Variants in TMCO6 observed in about 807,000 individuals in gnomAD.
The protein encoded by TMCO6 is transmembrane and coiled-coil domain-containing protein 6.
In TMCO6, 47 loss-of-function variants were observed where a neutral mutation model predicts 61.8. The ratio of observed to expected loss-of-function variants is 0.76; its 90% confidence interval spans 0.60 to 0.97. The LOEUF is 0.97. Among genes scored for constraint, TMCO6 ranks in the 50% least tolerant of loss-of-function variants. TMCO6 has a pLI of 0.00. For missense variants in TMCO6, 557 were observed against 601.6 expected (o/e 0.93, Z 0.78); for synonymous variants, 261 against 254.2 (o/e 1.03, Z -0.25).
At chr5:140,599,796 G>C in the TMCO6 span, among the ~76,000 whole-genome samples, 1 of 152,148 alleles carries the variant, frequency 6.6e-6, no homozygotes, top group Non-Finnish European at 1.5e-5. Flanking sequence ...AGCTAGTCGG[G>C]AGGCTGAGGC....
chr5:140,643,041 G>A lies in TMCO6; in HGVS notation c.806G>A (p.Ser269Asn), dbSNP rs1757145066. 4 of 1,614,198 alleles carry A rather than the reference G, an allele frequency of 2.5e-6. No homozygotes were observed. In the East Asian group the frequency reaches 8.9e-5, roughly 36 times the overall value. The change falls in exon 7 of 12, where the codon AGC (serine) becomes AAC (asparagine). Residue 269 changes from serine (S) to asparagine (N), a missense_variant and splice_region_variant. Ser to Asn is a conservative substitution (Grantham distance 46). Coordinates refer to ENST00000394671, the MANE Select transcript of TMCO6 (RefSeq NM_018502.5). ...TGGTGCCTTCATTACATCATCTGCA[G>A]GTAACAGGGCAATTGGGAAAGTACC... ...FAWCLHYIICSQVSNPLLIGH... is the reference protein window; with the variant it reads ...FAWCLHYIICNQVSNPLLIGH...
At chr5:140,620,972 C>T in the TMCO6 span, among the ~76,000 whole-genome samples, 4 of 151,708 alleles carry the variant, frequency 2.6e-5, no homozygotes, top group Non-Finnish European at 4.4e-5. Context: ...GAGATTGTGC[C>T]ACTACACTCC....
At chr5:140,597,244 C>T in the TMCO6 span, among the ~76,000 whole-genome samples, 1 of 152,094 alleles carries the variant, frequency 6.6e-6, no homozygotes, top group African/African-American at 2.4e-5. Flanking sequence ...GGTCTTAAAT[C>T]CAATTTTGCA....
upstream of TMCO6, chr5:140,639,422 C>G: frequency 1.6e-6 from 2 of 1,222,324 alleles, no homozygotes; most frequent in South Asian, 1.3e-5. Context: ...GCGCCCTCCC[C>G]GCCTGTTCCC....
In TMCO6 at chr5:140,645,010, C is replaced by T. The variant is rs1561959789; in HGVS notation, c.1394C>T (p.Ser465Leu). ...PEAVQVFLQQ[S>L]GLQALERHQE... ...GCTGTTCAGGTCTTCCTGCAGCAGT[C>T]AGGGCTGCAAGCCCTGGAAAGGCAT... is the stretch of plus-strand genomic sequence containing the variant. Residue 465 changes from serine to leucine, a missense_variant, in exon 12 of 12, where the codon TCA becomes TTA. Physicochemically the swap from Ser to Leu is moderately radical, Grantham distance 145 (BLOSUM62 -2). Transcript: ENST00000394671. The T allele has an allele frequency of 1.9e-6, 3 of 1,614,186 alleles. No individual in the cohort carries two copies. Among genetic ancestry groups the T allele is most frequent in the Non-Finnish European group, 2.5e-6 (3 of 1,180,026 alleles).
At chr5:140,647,210 C>T (rs1377366550), downstream of TMCO6, 1 of 1,517,904 alleles carries the variant, frequency 6.6e-7, no homozygotes, top group East Asian at 2.3e-5. Flanking sequence ...TTCTCAAACC[C>T]TTGTTCCCCT....
downstream of TMCO6, chr5:140,647,095 C>A (rs1250840021): frequency 5.0e-6 from 4 of 808,014 alleles, no homozygotes; most frequent in African/African-American, 6.9e-5. Context: ...ATCATATAAC[C>A]CTGCGAATAT....
the TMCO6 span, among the ~76,000 whole-genome samples, chr5:140,627,257 C>T: frequency 6.6e-6 from 1 of 151,554 alleles, no homozygotes; most frequent in African/African-American, 2.4e-5. Context: ...AATTATGTAC[C>T]AGGTGTGGAG....
downstream of TMCO6, chr5:140,647,069 G>A: frequency 1.5e-6 from 1 of 666,912 alleles, no homozygotes; most frequent in Non-Finnish European, 2.4e-6. Flanking sequence ...TACTTATGTT[G>A]CCCGGAATAC....
the TMCO6 span, chr5:140,631,865 G>C: frequency 1.3e-6 from 2 of 1,557,848 alleles, no homozygotes; most frequent in Non-Finnish European, 1.7e-6. Context: ...CTTAGGCAAA[G>C]CCCCGGGCCC....
At chr5:140,632,100 A>G in the TMCO6 span, 3 of 1,614,232 alleles carry the variant, frequency 1.9e-6, no homozygotes, top group Middle Eastern at 1.6e-4. This position sits in a 1 kb window ranked among gnomAD's most constrained non-coding sequence, Gnocchi z 6.2. Flanking sequence ...CTTGGCTGGC[A>G]GTCCTTTAGG....
chr5:140,615,047 A>G, the TMCO6 span, among the ~76,000 whole-genome samples: 1 of 152,256 alleles, frequency 6.6e-6, no homozygotes, highest in Non-Finnish European at 1.5e-5. Flanking sequence ...TTATATGTAG[A>G]AAACCCTAAA....
Position 140,641,697 on chromosome 5 carries a change from G to A in TMCO6, c.231G>A (p.Gly77=), listed in dbSNP as rs577426736. The change falls in exon 3 of 12, where the codon GGG becomes GGA. Residue 77 remains glycine, a synonymous_variant. Coordinates refer to ENST00000394671, the MANE Select transcript of TMCO6 (RefSeq NM_018502.5). ...VQQFLRQAQR[G]TEEKEREGAL... ...AGTTCCTGCGGCAAGCCCAGCGGGG[G>A]ACAGAGGAAAAGGAGAGAGAGGGGG... The A allele has an allele frequency of 1.9e-6, 3 of 1,614,166 alleles. No individual in the cohort carries two copies. The highest frequency in any genetic ancestry group is 1.1e-5 in the South Asian group (1 of 91,070).
At chr5:140,641,479 T>G (rs1581460980) in intron 2 of TMCO6, 186 bp from the exon 3 acceptor site, 1 of 603,778 alleles carries the variant, frequency 1.7e-6, no homozygotes. Context: ...GCAGGTATGG[T>G]ATTAGAACTC....
the TMCO6 span, among the ~76,000 whole-genome samples, chr5:140,634,431 C>T: frequency 2.6e-5 from 4 of 151,654 alleles, no homozygotes; most frequent in African/African-American, 4.8e-5. Flanking sequence ...TTTACAACAG[C>T]CCTCACAGGT....
At chr5:140,625,777 T>C in the TMCO6 span, among the ~76,000 whole-genome samples, 1 of 152,146 alleles carries the variant, frequency 6.6e-6, no homozygotes, top group Non-Finnish European at 1.5e-5. Flanking sequence ...GATGAATAAA[T>C]TAATGACCAG....
At chr5:140,604,502 AT>A in the TMCO6 span, among the ~76,000 whole-genome samples, 1 of 151,576 alleles carries the variant, frequency 6.6e-6, no homozygotes, top group Middle Eastern at 3.2e-3. Flanking sequence ...AATTTTCATA[AT>A]TTTCTCCTAT....
At chr5:140,634,298 A>C in the TMCO6 span, among the ~76,000 whole-genome samples, 3,999 of 152,166 alleles carry the variant, frequency 0.026, 191 homozygotes, top group African/African-American at 0.092. Flanking sequence ...AATGAGGATT[A>C]ATTAGTAACT....
At chr5:140,647,324 G>T, downstream of TMCO6, 4 of 1,600,986 alleles carry the variant, frequency 2.5e-6, no homozygotes, top group Non-Finnish European at 3.4e-6. Context: ...GTCGGGATTC[G>T]CCTTCTTCAG....
Sources: allele counts gnomAD v4.1 joint callset (sites outside exome capture counted in the v4.1 genomes callset), GRCh38; gene constraint gnomAD v4.1.1; non-coding constraint Gnocchi (gnomAD v3.1); transcripts MANE v1.5; gene names NCBI Gene and HGNC (gene_info 2026-07-23, HGNC 2026-07-21).